SCIN: variants seen among roughly 807,000 people sequenced by gnomAD.
SCIN encodes the protein adseverin.
Under a neutral mutation model 91.8 loss-of-function variants are expected in SCIN, and 91 were observed. The ratio of observed to expected loss-of-function variants is 0.99; its 90% confidence interval spans 0.84 to 1.18. The LOEUF is 1.18. Ranked by LOEUF, SCIN falls within the 50% of genes most tolerant of loss-of-function variation. The pLI is 0.00. For missense variants in SCIN, 1,087 were observed against 863.9 expected, an observed-to-expected ratio of 1.26 and a Z score of -3.24; for synonymous variants, 367 against 312.6, an observed-to-expected ratio of 1.17 and a Z score of -1.84.
rs780938769 is a variant in SCIN, at chr7:12,649,448, A to G, written c.1882-19A>G. 3 of 1,549,080 alleles carry G rather than the reference A, an allele frequency of 1.9e-6. No individual in the cohort carries two copies. Among genetic ancestry groups the G allele is most frequent in the African/African-American group, 1.4e-5 (1 of 73,670 alleles). On this transcript the variant is annotated intron_variant, in intron 13 of 15. Coordinates refer to ENST00000297029, the MANE Select transcript of SCIN (RefSeq NM_001112706.3). ...TTACTGCTTTACTTTTTGCTCATAT[A>G]GCTTTTTATACCTTTCAGATTGAAG...
chr7:12,647,136 T>A (rs1398124466), intron 13 of SCIN, among the ~76,000 whole-genome samples: 2 of 152,244 alleles, frequency 1.3e-5, no homozygotes, highest in Non-Finnish European at 2.9e-5. Context: ...AAATGTATTT[T>A]ACAAAAATAA....
At chr7:12,588,346 A>G (rs1241923358) in intron 3 of SCIN, among the ~76,000 whole-genome samples, 2 of 152,252 alleles carry the variant, frequency 1.3e-5, no homozygotes, top group African/African-American at 2.4e-5. Context: ...TGGGAGGCAT[A>G]GACACATACA....
At chr7:12,643,697 C>T (rs1442126028) in intron 11 of SCIN, among the ~76,000 whole-genome samples, 1 of 152,202 alleles carries the variant, frequency 6.6e-6, no homozygotes, top group Admixed American at 6.5e-5. Flanking sequence ...CCATTTGGCA[C>T]AGCAAATCAC....
intron 3 of SCIN, chr7:12,589,537 T>G (rs1234410335): frequency 6.6e-6 from 1 of 152,282 alleles, no homozygotes; most frequent in Non-Finnish European, 1.5e-5. Context: ...GCTTTTTCAT[T>G]TATTCGTCCA....
rs766296133 is a variant in SCIN, at chr7:12,625,152, T to G, written c.892+10T>G. 1 of 1,605,106 alleles carries G rather than the reference T, an allele frequency of 6.2e-7. No individual in the cohort carries two copies. ...ATTTTCGTATGGAAAGGTAAAAAAT[T>G]CCATTGACGATGCTGTATTTCAGAT... On this transcript the variant is annotated intron_variant, in intron 6 of 15. Coordinates refer to ENST00000297029, the MANE Select transcript of SCIN (RefSeq NM_001112706.3).
rs1260433939 is a variant in SCIN at position 12,581,205 on chromosome 7, T to C, written c.500T>C (p.Ile167Thr). Residue 167 changes from isoleucine to threonine, a missense_variant, in exon 3 of 16, where the codon ATC becomes ACC. Ile to Thr is a moderately conservative substitution (Grantham distance 89). Transcript: ENST00000297029. ...AGTTTCAACAAGGGTGACTGCTTCA[T>C]CATTGACCTTGGCACCGTAAGTTTC... ...WDSFNKGDCF[I>T]IDLGTEIYQW... 7 of 1,551,318 alleles carry C rather than the reference T, an allele frequency of 4.5e-6. No individual in the cohort carries two copies. The South Asian group carries it at 8.3e-5, about 18-fold the overall frequency.
chr7:12,647,534 G>A (rs947657678), intron 13 of SCIN, among the ~76,000 whole-genome samples: 13 of 152,180 alleles, frequency 8.5e-5, no homozygotes, highest in Admixed American at 7.9e-4. Flanking sequence ...GGCTGTAGTT[G>A]TCTCAACTCT....
At position 12,633,603 on chromosome 7, in the gene SCIN, C is replaced by CA. The variant is rs542221248; in HGVS notation, c.1320-2435dup. 2.2e-3 allele frequency among the ~76,000 whole-genome samples: 338 copies of CA among 151,978 alleles called. 1 individual carries two copies. The highest frequency in any genetic ancestry group is 6.8e-3 in the Middle Eastern group (2 of 294). ...TGCAGGTTTGCTAGTTGAAATACTC[C>CA]AAAAAAATAAAAGGAGCAAAATGAA... is the stretch of plus-strand genomic sequence containing the variant. On this transcript the variant is annotated intron_variant, in intron 9 of 15. Coordinates refer to ENST00000297029, the MANE Select transcript of SCIN (RefSeq NM_001112706.3).
chr7:12,649,072 G>T (rs540254345), intron 13 of SCIN, among the ~76,000 whole-genome samples: 1 of 152,224 alleles, frequency 6.6e-6, no homozygotes, highest in South Asian at 2.1e-4. Context: ...GGTGATATGA[G>T]GGGGGTCTTA....
intron 3 of SCIN, among the ~76,000 whole-genome samples, chr7:12,602,191 A>G (rs10274665): frequency 0.05 from 7,563 of 152,296 alleles, 622 homozygotes; most frequent in African/African-American, 0.17. Context: ...ACATATTGGT[A>G]GGACCATGAT....
At chr7:12,576,946 G>A (rs1424512809) in intron 1 of SCIN, among the ~76,000 whole-genome samples, 3 of 152,192 alleles carry the variant, frequency 2.0e-5, no homozygotes. Context: ...CAGCTTGGAT[G>A]TAGTAAAGAG....
In SCIN at chr7:12,651,095, C is replaced by T. The variant is rs1003828481; in HGVS notation, c.1960-746C>T. Among the ~76,000 whole-genome samples the T allele has an allele frequency of 3.3e-5, 5 of 152,206 alleles. No individual in the cohort carries two copies. Among genetic ancestry groups the T allele is most frequent in the South Asian group, 4.2e-4 (2 of 4,816 alleles). ...ACAGGAGTCATACAGAATGCAAGAA[C>T]TAAATAAATGGCTGGATGGTTGATG... On this transcript the variant is annotated intron_variant, in intron 14 of 15. Transcript: ENST00000297029. This position sits in a 1 kb window ranked among gnomAD's most constrained non-coding sequence, Gnocchi z 5.9.
chr7:12,615,457 G>A (rs540374998), intron 4 of SCIN, among the ~76,000 whole-genome samples: 9 of 152,140 alleles, frequency 5.9e-5, no homozygotes, highest in East Asian at 1.9e-4. Flanking sequence ...TGTAAAATGC[G>A]CCTTGCTTCC....
In SCIN at chr7:12,570,882, G is replaced by GC; in HGVS notation, c.100dup (p.Gln34ProfsTer41). The stretch of plus-strand genomic sequence containing the variant: ...TTGAGAAGCTGGAGCTGGTGCCCGT[G>GC]CCCCAGAGCGCTCACGGCGACTTCT... On this transcript the variant is annotated frameshift_variant, in exon 1 of 16. Transcript: ENST00000297029. LOFTEE classifies it high-confidence loss of function. The GC allele has an allele frequency of 1.3e-6, 2 of 1,551,570 alleles. No homozygotes were observed. The highest frequency in any genetic ancestry group is 1.7e-6 in the Non-Finnish European group (2 of 1,146,970).
Position 12,578,160 on chromosome 7 carries a change from T to G in SCIN, c.296T>G (p.Leu99Arg). ...GGCAAGCCAGTGCAGAATAGAGAAC[T>G]TCAAGGATATGAGTCTAATGACTTT... ...LGGKPVQNRE[L>R]QGYESNDFVS... Residue 99 changes from leucine (L) to arginine (R), a missense_variant, in exon 2 of 16, where the codon CTT (leucine) becomes CGT (arginine). Leu to Arg is a moderately radical substitution (Grantham distance 102). Transcript: ENST00000297029. The G allele has an allele frequency of 6.4e-7, 1 of 1,551,254 alleles. No homozygotes were observed. Among genetic ancestry groups the G allele is most frequent in the Non-Finnish European group, 8.7e-7 (1 of 1,146,652 alleles).
At chr7:12,585,678 C>T (rs759800399) in intron 3 of SCIN, among the ~76,000 whole-genome samples, 3 of 152,180 alleles carry the variant, frequency 2.0e-5, no homozygotes, top group Non-Finnish European at 4.4e-5. Flanking sequence ...CCTGACTTCT[C>T]CCAAGTGCTC....
intron 3 of SCIN, among the ~76,000 whole-genome samples, chr7:12,599,640 A>G (rs974959409): frequency 1.3e-4 from 20 of 152,072 alleles, no homozygotes; most frequent in African/African-American, 2.4e-5. Context: ...TCCCAGCAAC[A>G]GTATAAAAGT....
chr7:12,656,382 CTAATT>C lies in SCIN; in HGVS notation c.*3670_*3674del, dbSNP rs1784162811. ...ACACTTATTTTATTTTCTTTTAAAC[CTAATT>C]TATTTTAAACCTAATTTATTTATTT... On this transcript the variant is annotated 3_prime_UTR_variant, in exon 16 of 16. Coordinates refer to ENST00000297029, the MANE Select transcript of SCIN (RefSeq NM_001112706.3). 1 of 152,046 alleles carries C rather than the reference CTAATT, an allele frequency of 6.6e-6. No individual in the cohort carries two copies. The highest frequency in any genetic ancestry group is 1.5e-5 in the Non-Finnish European group (1 of 68,004). The allele number at this position is 152,046 out of a possible 1,614,324, so 9.4% of individuals were successfully genotyped here. A position where few individuals can be genotyped will look rare whatever the true frequency, so the allele number is the denominator to read the frequency against.
At chr7:12,648,655 C>G (rs1784014647) in intron 13 of SCIN, among the ~76,000 whole-genome samples, 1 of 152,024 alleles carries the variant, frequency 6.6e-6, no homozygotes, top group Admixed American at 6.6e-5. Flanking sequence ...ATACTCAGAC[C>G]ATAAACTCAA....
Sources: gnomAD v4.1 joint callset for allele counts (sites outside exome capture counted in the v4.1 genomes callset) on GRCh38, gnomAD v4.1.1 for gene constraint, Gnocchi (gnomAD v3.1) non-coding constraint, MANE v1.5 for transcripts, NCBI Gene and HGNC (gene_info 2026-07-23, HGNC 2026-07-21) for gene names.